CADM2: variants seen among roughly 807,000 people sequenced by gnomAD.
CADM2 encodes the protein cell adhesion molecule 2.
Under a neutral mutation model 49.8 loss-of-function variants are expected in CADM2, and 12 were observed. The observed-to-expected ratio is 0.24, with a 90% confidence interval of 0.15 to 0.39. The LOEUF (loss-of-function observed/expected upper bound fraction) is 0.39, where lower values mean the gene tolerates loss of function less well. Ranked by LOEUF, CADM2 falls within the 10% of genes least tolerant of loss-of-function variation. The pLI, the probability that CADM2 is intolerant of heterozygous loss-of-function variation, is 1.00. For missense variants in CADM2, 378 were observed against 492.3 expected, an observed-to-expected ratio of 0.77 and a Z score of 2.20; for synonymous variants, 214 against 175.4, an observed-to-expected ratio of 1.22 and a Z score of -1.74.
At chr3:85,399,755 A>G (rs570775095) in intron 1 of CADM2, among the ~76,000 whole-genome samples, 44 of 152,208 alleles carry the variant, frequency 2.9e-4, no homozygotes, top group Admixed American at 8.5e-4. Flanking sequence ...ATGGGAGTTC[A>G]CTCATGATTT....
At chr3:85,848,234 T>G (rs982765838) in intron 3 of CADM2, among the ~76,000 whole-genome samples, 1 of 152,132 alleles carries the variant, frequency 6.6e-6, no homozygotes, top group African/African-American at 2.4e-5. Flanking sequence ...AAAATGTATA[T>G]TTTTAGTATA....
intron 1 of CADM2, among the ~76,000 whole-genome samples, chr3:85,394,245 A>G (rs1349091175): frequency 1.3e-5 from 2 of 152,184 alleles, no homozygotes; most frequent in Non-Finnish European, 2.9e-5. Flanking sequence ...TTCCAGAGGT[A>G]TAAATTACTA....
At chr3:85,529,046 T>C (rs1487564519) in intron 1 of CADM2, among the ~76,000 whole-genome samples, 1 of 152,094 alleles carries the variant, frequency 6.6e-6, no homozygotes, top group Admixed American at 6.6e-5. Flanking sequence ...AAAGGAATTA[T>C]TAGAACATTT....
chr3:85,565,788 G>T (rs1042801557), intron 1 of CADM2, among the ~76,000 whole-genome samples: 1 of 151,962 alleles, frequency 6.6e-6, no homozygotes, highest in Non-Finnish European at 1.5e-5. Flanking sequence ...TTTCAGCAGA[G>T]TAGTACAGAA....
intron 1 of CADM2, among the ~76,000 whole-genome samples, chr3:85,060,751 C>T (rs1459655082): frequency 1.3e-5 from 2 of 151,952 alleles, no homozygotes; most frequent in African/African-American, 4.8e-5. Context: ...GGTGTGGTGG[C>T]TCACGCTTAT....
chr3:86,008,853 A>G (rs1731122214), intron 8 of CADM2, among the ~76,000 whole-genome samples: 2 of 151,910 alleles, frequency 1.3e-5, no homozygotes, highest in Admixed American at 1.3e-4. Flanking sequence ...TTTCAATTAT[A>G]TGGATTATCA....
At chr3:85,361,353 A>G (rs534158364) in intron 1 of CADM2, among the ~76,000 whole-genome samples, 1 of 152,282 alleles carries the variant, frequency 6.6e-6, no homozygotes, top group South Asian at 2.1e-4. Context: ...TCTGATTGGT[A>G]CACAGTCTCT....
intron 5 of CADM2, among the ~76,000 whole-genome samples, chr3:85,887,972 A>C (rs1369336623): frequency 1.3e-5 from 2 of 152,210 alleles, no homozygotes; most frequent in Non-Finnish European, 2.9e-5. Flanking sequence ...TTCTCCAGGC[A>C]GTGAACTCTT....
In CADM2 at chr3:86,068,166, GTGAT is replaced by G. The variant is rs945955488; in HGVS notation, c.*1384_*1387del. On this transcript the variant is annotated 3_prime_UTR_variant, in exon 10 of 10. Coordinates refer to ENST00000383699, the MANE Select transcript of CADM2 (RefSeq NM_001167675.2). ...GAGGTACAAACTGATGAAACAGTGA[GTGAT>G]AGAGAATTTCTGCCATGCTTTTAAC... 2.0e-5 allele frequency: 3 copies of G among 152,436 alleles called. No homozygotes were observed. The highest frequency in any genetic ancestry group is 7.2e-5 in the African/African-American group (3 of 41,434). 9.4% of individuals were successfully genotyped at this position (152,436 alleles called of 1,614,324 possible).
chr3:85,646,779 G>A (rs983128816), intron 1 of CADM2, among the ~76,000 whole-genome samples: 2 of 151,708 alleles, frequency 1.3e-5, no homozygotes, highest in African/African-American at 4.8e-5. Flanking sequence ...ATTTAAAGCC[G>A]GGAAATAAAA....
chr3:85,524,337 G>A (rs1039913646), intron 1 of CADM2, among the ~76,000 whole-genome samples: 2 of 151,664 alleles, frequency 1.3e-5, no homozygotes, highest in Admixed American at 6.6e-5. Flanking sequence ...ATGTTTTAAC[G>A]AATGTACTCA....
chr3:86,045,696 A>G (rs1385308589), intron 8 of CADM2, among the ~76,000 whole-genome samples: 1 of 152,084 alleles, frequency 6.6e-6, no homozygotes, highest in Non-Finnish European at 1.5e-5. Context: ...TTTTTAGCTC[A>G]AGACTTTTAT....
At chr3:85,745,955 C>T (rs1245155031) in intron 2 of CADM2, among the ~76,000 whole-genome samples, 2 of 152,032 alleles carry the variant, frequency 1.3e-5, no homozygotes, top group East Asian at 3.9e-4. Context: ...CAACTTTAGC[C>T]TTCCCCACTC....
intron 3 of CADM2, among the ~76,000 whole-genome samples, chr3:85,882,931 A>T (rs1302634955): frequency 6.6e-6 from 1 of 152,190 alleles, no homozygotes; most frequent in Non-Finnish European, 1.5e-5. Context: ...CTGTCCATAG[A>T]AGTGAACCCA....
intron 1 of CADM2, among the ~76,000 whole-genome samples, chr3:84,984,539 T>C (rs1209592661): frequency 1.3e-5 from 2 of 151,490 alleles, no homozygotes; most frequent in African/African-American, 4.9e-5. Context: ...ATTCTCTCTT[T>C]CAACAGCTAG....
intron 3 of CADM2, among the ~76,000 whole-genome samples, chr3:85,816,735 C>T (rs774970846): frequency 2.6e-5 from 4 of 151,702 alleles, no homozygotes; most frequent in Admixed American, 6.6e-5. Context: ...AAAATATAAA[C>T]GAAAAAGGAC....
intron 1 of CADM2, among the ~76,000 whole-genome samples, chr3:85,475,761 C>A (rs567788306): frequency 6.6e-6 from 1 of 151,974 alleles, no homozygotes; most frequent in African/African-American, 2.4e-5. Context: ...AACTTAATTT[C>A]TAAGATGAAT....
intron 1 of CADM2, among the ~76,000 whole-genome samples, chr3:85,144,643 A>AG (rs1553688099): frequency 2.6e-5 from 4 of 151,730 alleles, no homozygotes; most frequent in African/African-American, 9.7e-5. Flanking sequence ...AAAGAAAGAA[A>AG]GAACAAGATT....
chr3:84,997,297 G>A (rs2107200226), intron 1 of CADM2, among the ~76,000 whole-genome samples: 1 of 152,140 alleles, frequency 6.6e-6, no homozygotes, highest in Non-Finnish European at 1.5e-5. Context: ...AGATTCACAT[G>A]ATGCATTTTT....
Sources: allele counts gnomAD v4.1 joint callset (sites outside exome capture counted in the v4.1 genomes callset), GRCh38; gene constraint gnomAD v4.1.1; transcripts MANE v1.5; gene names NCBI Gene and HGNC (gene_info 2026-07-23, HGNC 2026-07-21).